LAMA2: variants seen among roughly 807,000 people sequenced by gnomAD.
The protein encoded by LAMA2 is laminin subunit alpha 2.
A neutral mutation model predicts 364.8 loss-of-function variants in LAMA2; 269 were observed. The ratio of observed to expected loss-of-function variants is 0.74; its 90% CI spans 0.67 to 0.82. The LOEUF is 0.82. LAMA2 is among the 40% of genes least tolerant of loss of function. The probability of loss-of-function intolerance (pLI) is 0.00; values close to 1 mark genes in which losing one functional copy is unlikely to be tolerated. For synonymous variants in LAMA2, 1,379 were observed against 1,370.6 expected (o/e 1.01, Z -0.14); for missense variants, 3,807 against 3,873.2 (o/e 0.98, Z 0.45).
intron 35 of LAMA2, among the ~76,000 whole-genome samples, chr6:129,391,082 T>G (rs1260876217): frequency 1.3e-5 from 2 of 152,162 alleles, no homozygotes; most frequent in African/African-American, 2.4e-5. Flanking sequence ...ATTTCCACAC[T>G]CAGTATTTTT....
At chr6:129,020,092 GA>G (rs1785336134) in intron 1 of LAMA2, among the ~76,000 whole-genome samples, 2 of 60,580 alleles carry the variant, frequency 3.3e-5, no homozygotes, top group Non-Finnish European at 7.0e-5. Context: ...ATCTCAAAAA[GA>G]AAAAAAAAGA....
intron 21 of LAMA2, among the ~76,000 whole-genome samples, chr6:129,300,322 G>A (rs1451899160): frequency 1.3e-5 from 2 of 151,958 alleles, no homozygotes; most frequent in Non-Finnish European, 2.9e-5. Flanking sequence ...ACTGCAGATC[G>A]GGCTCATCAA....
intron 28 of LAMA2, among the ~76,000 whole-genome samples, chr6:129,327,843 C>T (rs1158814528): frequency 6.6e-6 from 1 of 152,128 alleles, no homozygotes; most frequent in Admixed American, 6.5e-5. Context: ...ATAAATAATG[C>T]ATCCATAACA....
At chr6:129,425,601 T>C (rs1320146639) in intron 40 of LAMA2, among the ~76,000 whole-genome samples, 1 of 151,994 alleles carries the variant, frequency 6.6e-6, no homozygotes, top group Non-Finnish European at 1.5e-5. Flanking sequence ...TACCCTCAAG[T>C]AGGCCTCGGT....
chr6:129,305,079 C>A (rs1163920960), intron 22 of LAMA2, among the ~76,000 whole-genome samples: 1 of 152,134 alleles, frequency 6.6e-6, no homozygotes, highest in East Asian at 1.9e-4. Context: ...GTTTTATTCA[C>A]ATGTATTTTT....
intron 1 of LAMA2, among the ~76,000 whole-genome samples, chr6:128,919,146 A>T (rs1562829403): frequency 1.3e-5 from 2 of 152,124 alleles, no homozygotes; most frequent in Non-Finnish European, 2.9e-5. Context: ...ATGGGCCCAA[A>T]AAATGCTGGA....
chr6:128,901,863 C>T (rs186662029), intron 1 of LAMA2, among the ~76,000 whole-genome samples: 1 of 152,304 alleles, frequency 6.6e-6, no homozygotes, highest in East Asian at 1.9e-4. Context: ...AATCACTTTA[C>T]TGTTTCTTGA....
chr6:128,942,451 T>C (rs1043939123), intron 1 of LAMA2, among the ~76,000 whole-genome samples: 2 of 152,204 alleles, frequency 1.3e-5, no homozygotes, highest in Admixed American at 1.3e-4. Flanking sequence ...CAAAAAAAGA[T>C]GGACAGAAGC....
At chr6:128,939,525 T>C (rs999621760) in intron 1 of LAMA2, among the ~76,000 whole-genome samples, 1 of 152,196 alleles carries the variant, frequency 6.6e-6, no homozygotes. Context: ...AAAAGTTAAA[T>C]ATTATAAATA....
chr6:129,347,680 A>G (rs1354029068), intron 30 of LAMA2, among the ~76,000 whole-genome samples: 1 of 152,180 alleles, frequency 6.6e-6, no homozygotes, highest in Non-Finnish European at 1.5e-5. Flanking sequence ...GAAAAGCACA[A>G]GGATTTCTGA....
chr6:129,026,293 G>T, intron 1 of LAMA2, among the ~76,000 whole-genome samples: 1 of 152,038 alleles, frequency 6.6e-6, no homozygotes, highest in African/African-American at 2.4e-5. Flanking sequence ...TAAATTTGTA[G>T]AATATTGATT....
intron 37 of LAMA2, 99 bp downstream of exon 37, chr6:129,393,354 A>G (rs1779429684): frequency 2.2e-6 from 2 of 906,690 alleles, no homozygotes; most frequent in Non-Finnish European, 1.8e-6. Flanking sequence ...GCACATTTAC[A>G]AAAGTCAAGA....
At chr6:129,118,005 G>A (rs1453265989) in intron 4 of LAMA2, among the ~76,000 whole-genome samples, 1 of 152,054 alleles carries the variant, frequency 6.6e-6, no homozygotes, top group East Asian at 1.9e-4. Context: ...TATGTAGGAG[G>A]AATAGTGACA....
intron 1 of LAMA2, among the ~76,000 whole-genome samples, chr6:128,947,180 G>T (rs559938105): frequency 2.8e-4 from 43 of 152,266 alleles, no homozygotes; most frequent in Middle Eastern, 3.4e-3. Flanking sequence ...AGATAGAATA[G>T]AACTTTTTAG....
At chr6:129,452,719 A>T (rs1219663642) in intron 45 of LAMA2, among the ~76,000 whole-genome samples, 1 of 152,206 alleles carries the variant, frequency 6.6e-6, no homozygotes, top group Non-Finnish European at 1.5e-5. Context: ...TGACGTTAGA[A>T]GTTTGTTAGT....
intron 10 of LAMA2, among the ~76,000 whole-genome samples, chr6:129,178,800 A>G (rs1455030604): frequency 6.6e-6 from 1 of 152,082 alleles, no homozygotes; most frequent in Non-Finnish European, 1.5e-5. Context: ...CCATTAAGCC[A>G]TAATATAAGT....
chr6:128,890,964 C>T (rs1354607340), intron 1 of LAMA2, among the ~76,000 whole-genome samples: 1 of 152,042 alleles, frequency 6.6e-6, no homozygotes. Context: ...AAGTTGAACT[C>T]AGTTAAGACA....
intron 1 of LAMA2, among the ~76,000 whole-genome samples, chr6:128,913,047 A>G (rs1352388157): frequency 6.6e-6 from 1 of 152,216 alleles, no homozygotes; most frequent in Admixed American, 6.5e-5. Flanking sequence ...TTTAATAAAG[A>G]AAAATGTTAC....
At chr6:129,451,477 C>A (rs1360301261) in intron 45 of LAMA2, among the ~76,000 whole-genome samples, 3 of 152,108 alleles carry the variant, frequency 2.0e-5, no homozygotes, top group Non-Finnish European at 4.4e-5. Flanking sequence ...CCCAGGCCAC[C>A]ACACTCAGGC....
Sources: allele counts gnomAD v4.1 joint callset (sites outside exome capture counted in the v4.1 genomes callset), GRCh38; gene constraint gnomAD v4.1.1; transcripts MANE v1.5; gene names NCBI Gene and HGNC (gene_info 2026-07-23, HGNC 2026-07-21).